The following FAT3 variants were observed in gnomAD, a reference collection of about 807,000 sequenced individuals.
FAT3 encodes protocadherin Fat 3.
A neutral mutation model predicts 310.2 loss-of-function variants in FAT3; 95 were observed. The observed-to-expected ratio is 0.31, with a 90% confidence interval of 0.26 to 0.36. FAT3 has a LOEUF of 0.36. FAT3 is among the 10% of genes least tolerant of loss of function. The pLI, the probability that FAT3 is intolerant of heterozygous loss-of-function variation, is 1.00. For missense variants in FAT3, 5,408 were observed against 5,715.6 expected, an observed-to-expected ratio of 0.95 and a Z score of 1.74; for synonymous variants, 2,314 against 2,192.9, an observed-to-expected ratio of 1.06 and a Z score of -1.54.
chr11:92,739,235 T>C (rs1387608282), intron 4 of FAT3, among the ~76,000 whole-genome samples: 2 of 152,200 alleles, frequency 1.3e-5, no homozygotes, highest in Non-Finnish European at 2.9e-5. Context: ...CATACATCTT[T>C]GCCAAGTAGC....
At chr11:92,813,320 T>C (rs1320011544) in intron 13 of FAT3, among the ~76,000 whole-genome samples, 4 of 152,148 alleles carry the variant, frequency 2.6e-5, no homozygotes, top group African/African-American at 9.7e-5. Flanking sequence ...AGTTGCAAAA[T>C]AATATATAGG....
chr11:92,483,021 C>T (rs1019194224), intron 2 of FAT3, among the ~76,000 whole-genome samples: 2 of 152,120 alleles, frequency 1.3e-5, no homozygotes, highest in Non-Finnish European at 2.9e-5. Context: ...GTCATAGGTG[C>T]TCTTTGGTGT....
At chr11:92,730,331 G>A (rs576944383) in intron 4 of FAT3, among the ~76,000 whole-genome samples, 8 of 152,258 alleles carry the variant, frequency 5.3e-5, no homozygotes, top group South Asian at 4.1e-4. Flanking sequence ...GAGTGAGATC[G>A]TGTCTCAAAA....
chr11:92,748,235 G>A (rs1481993190), intron 4 of FAT3, among the ~76,000 whole-genome samples: 11 of 152,116 alleles, frequency 7.2e-5, no homozygotes, highest in Admixed American at 6.6e-5. Flanking sequence ...AGAGGCTTGT[G>A]CAGGGGAACT....
intron 3 of FAT3, among the ~76,000 whole-genome samples, chr11:92,573,231 T>A (rs1938279324): frequency 6.6e-6 from 1 of 152,030 alleles, no homozygotes; most frequent in Non-Finnish European, 1.5e-5. Context: ...CTTAAATAGG[T>A]GTGCCGTGGG....
At chr11:92,805,659 GATATC>G (rs1364032813) in intron 11 of FAT3, among the ~76,000 whole-genome samples, 2 of 151,742 alleles carry the variant, frequency 1.3e-5, no homozygotes, top group East Asian at 3.9e-4. Context: ...TTAAATCACT[GATATC>G]ATAAAAGAGA....
chr11:92,725,183 T>C (rs541509309), intron 4 of FAT3, among the ~76,000 whole-genome samples: 1 of 152,316 alleles, frequency 6.6e-6, no homozygotes, highest in Admixed American at 6.5e-5. Context: ...CTCACAACCT[T>C]GTTAAAACTG....
intron 2 of FAT3, among the ~76,000 whole-genome samples, chr11:92,444,237 A>C (rs1249512585): frequency 6.6e-6 from 1 of 152,108 alleles, no homozygotes; most frequent in African/African-American, 2.4e-5. Flanking sequence ...TTTCCCTTCC[A>C]GAAGTGACAT....
At chr11:92,487,393 A>G (rs945068301) in intron 2 of FAT3, among the ~76,000 whole-genome samples, 2 of 152,202 alleles carry the variant, frequency 1.3e-5, no homozygotes, top group African/African-American at 4.8e-5. Flanking sequence ...TTTTTTATCT[A>G]TTACATTTGA....
chr11:92,874,840 A>G (rs1434662007), intron 22 of FAT3, among the ~76,000 whole-genome samples: 1 of 152,060 alleles, frequency 6.6e-6, no homozygotes, highest in East Asian at 1.9e-4. Flanking sequence ...CACCCGGCCT[A>G]GTATACGCTC....
chr11:92,545,092 C>A (rs1238613101), intron 3 of FAT3, among the ~76,000 whole-genome samples: 3 of 152,076 alleles, frequency 2.0e-5, no homozygotes, highest in African/African-American at 7.2e-5. Context: ...CTCCTCATGT[C>A]CCCAAGCACT....
intron 3 of FAT3, among the ~76,000 whole-genome samples, chr11:92,631,455 G>T (rs1347183934): frequency 6.6e-6 from 1 of 152,114 alleles, no homozygotes; most frequent in South Asian, 2.1e-4. Flanking sequence ...GATCATGGGG[G>T]TGGTTTTTCC....
chr11:92,845,307 C>T (rs752540592), intron 19 of FAT3, among the ~76,000 whole-genome samples: 9 of 152,200 alleles, frequency 5.9e-5, no homozygotes, highest in Non-Finnish European at 1.2e-4. Context: ...GAAGAAATGG[C>T]AGGATCAGAT....
In FAT3 at chr11:92,857,305, G is replaced by C. The variant is rs370501974; in HGVS notation, c.11457G>C (p.Pro3819=). The change falls in exon 20 of 28, where the codon CCG becomes CCC. Residue 3819 remains proline, a synonymous_variant. Transcript: ENST00000525166. ...TCAGTTATGAAGCCAGCAGGAGACC[G>C]TTCCTCTGCCAGTGTCCACCAGGGA... ...QCVSYEASRR[P]FLCQCPPGKL... is the part of the protein sequence containing the mutation. 2.5e-6 allele frequency: 4 copies of C among 1,613,842 alleles called. No individual in the cohort carries two copies. The highest frequency in any genetic ancestry group is 1.6e-4 in the Middle Eastern group (1 of 6,084).
chr11:92,891,144 G>T lies in FAT3; in HGVS notation c.*31G>T. The T allele has an allele frequency of 4.4e-6, 7 of 1,601,848 alleles. No individual in the cohort carries two copies. Among genetic ancestry groups the T allele is most frequent in the Non-Finnish European group, 6.0e-6 (7 of 1,173,202 alleles). The stretch of plus-strand genomic sequence containing the variant: ...ACATCTTGGGTACTTCACCCTGTTT[G>T]TTACAGAAAAGTGGAAGCAGATTGG... On this transcript the variant is annotated 3_prime_UTR_variant, in exon 28 of 28. Coordinates refer to ENST00000525166, the MANE Select transcript of FAT3 (RefSeq NM_001367949.2).
intron 1 of FAT3, among the ~76,000 whole-genome samples, chr11:92,339,278 C>A (rs765928956): frequency 1.3e-5 from 2 of 152,120 alleles, no homozygotes; most frequent in African/African-American, 4.8e-5. Context: ...CAAAAAATGT[C>A]TGTAGAGATT....
intron 2 of FAT3, among the ~76,000 whole-genome samples, chr11:92,414,884 C>T (rs534471224): frequency 1.2e-3 from 178 of 152,132 alleles, no homozygotes; most frequent in African/African-American, 4.0e-3. Flanking sequence ...GTGGCAGGCG[C>T]CTGTAGTCCC....
At chr11:92,477,922 G>T (rs1952091493) in intron 2 of FAT3, among the ~76,000 whole-genome samples, 1 of 152,314 alleles carries the variant, frequency 6.6e-6, no homozygotes, top group East Asian at 1.9e-4. Flanking sequence ...AGGAAACTGT[G>T]TGCATGTTAG....
At chr11:92,229,490 G>GTTTTTTTTTTTTTTTTTTTTTTC in intron 1 of FAT3, among the ~76,000 whole-genome samples, 1 of 46,842 alleles carries the variant, frequency 2.1e-5, no homozygotes, top group Non-Finnish European at 4.5e-5. Flanking sequence ...TTGTTTTTTC[G>GTTTTTTTTTTTTTTTTTTTTTTC]TGTTTTTTTT....
Sources: gnomAD v4.1 joint callset for allele counts (sites outside exome capture counted in the v4.1 genomes callset) on GRCh38, gnomAD v4.1.1 for gene constraint, MANE v1.5 for transcripts, NCBI Gene and HGNC (gene_info 2026-07-23, HGNC 2026-07-21) for gene names.